SRP68: variants seen among roughly 807,000 people sequenced by gnomAD.
SRP68 encodes the protein signal recognition particle 68, also known as signal recognition particle subunit SRP68.
A neutral mutation model predicts 82.2 loss-of-function variants in SRP68; 15 were observed. That is an observed-to-expected ratio of 0.18 (90% CI 0.12 to 0.28). The LOEUF is 0.28. Among genes scored for constraint, SRP68 ranks in the 10% least tolerant of loss-of-function variants. SRP68 has a pLI of 1.00. For synonymous variants in SRP68, 261 were observed against 292.6 expected (o/e 0.89, Z 1.10); for missense variants, 595 against 780.5 (o/e 0.76, Z 2.83).
At position 76,062,636 on chromosome 17, in the gene SRP68, T is replaced by A. The variant is rs185301779; in HGVS notation, c.562-1062A>T. Among the ~76,000 whole-genome samples, 412 of 62,580 alleles carry A rather than the reference T, an allele frequency of 6.6e-3. 21 individuals are homozygous for A. The highest frequency in any genetic ancestry group is 0.037 in the East Asian group (78 of 2,128). The allele number at this position is 62,580 out of a possible 152,430, so 41.1% of individuals were successfully genotyped here. On this transcript the variant is annotated intron_variant, in intron 4 of 15. Transcript: ENST00000307877. Reference sequence around the variant, plus strand: ...TATAATATATAATATACATTATATATTATATAATATACATTATATATTATA... The same window carrying A: ...TATAATATATAATATACATTATATAATATATAATATACATTATATATTATA...
At chr17:76,065,393 T>G (rs964036255) in intron 3 of SRP68, among the ~76,000 whole-genome samples, 1 of 133,890 alleles carries the variant, frequency 7.5e-6, no homozygotes, top group African/African-American at 2.9e-5. Context: ...TAAGCTATGA[T>G]CCCACTGCTA....
At chr17:76,064,538 G>A (rs571028391) in intron 3 of SRP68, among the ~76,000 whole-genome samples, 21 of 152,176 alleles carry the variant, frequency 1.4e-4, no homozygotes, top group African/African-American at 5.1e-4. Flanking sequence ...AGTTAGAAAA[G>A]TCCTTAAGAG....
In SRP68 at chr17:76,050,397, G is replaced by A. The variant is rs200473538; in HGVS notation, c.1077+31C>T. Reference sequence around the variant, plus strand: ...ACAGGCTGACCTGGACCCGCCCAGAGCAAGAACCAGGGCTCGGCTGAGGGT... The same window carrying A: ...ACAGGCTGACCTGGACCCGCCCAGAACAAGAACCAGGGCTCGGCTGAGGGT... On this transcript the variant is annotated intron_variant, in intron 9 of 15. Transcript: ENST00000307877. The A allele has an allele frequency of 3.2e-6, 5 of 1,539,780 alleles. No homozygotes were observed. The African/African-American group carries it at 4.1e-5, about 13-fold the overall frequency.
chr17:76,059,061 C>T (rs961450836), intron 7 of SRP68, among the ~76,000 whole-genome samples: 1 of 152,042 alleles, frequency 6.6e-6, no homozygotes, highest in Non-Finnish European at 1.5e-5. Context: ...GCCTGGGAAA[C>T]ACAGTGAGAC....
rs371513259 is a variant in SRP68, at chr17:76,039,968, G to T, written c.1657-35C>A. 4.4e-6 allele frequency: 7 copies of T among 1,600,612 alleles called. No individual in the cohort carries two copies. The South Asian group carries it at 7.8e-5, about 18-fold the overall frequency. On this transcript the variant is annotated intron_variant, in intron 15 of 15. Transcript: ENST00000307877. ...AAATCAAAGAGACGTATGTAGCATC[G>T]GTCACAGAACACCCTTGGTGAACAT...
At chr17:76,068,221 G>A (rs976002064) in intron 2 of SRP68, among the ~76,000 whole-genome samples, 1 of 152,112 alleles carries the variant, frequency 6.6e-6, no homozygotes, top group Non-Finnish European at 1.5e-5. Context: ...AAACTCAGGA[G>A]GTGGGGGTTG....
intron 9 of SRP68, chr17:76,049,495 G>A (rs1020991706): frequency 6.6e-6 from 1 of 152,166 alleles, no homozygotes; most frequent in Non-Finnish European, 1.5e-5. Context: ...GCCAGTAAGT[G>A]GAACAGCTTG....
chr17:76,066,467 C>T (rs981520224), intron 3 of SRP68, among the ~76,000 whole-genome samples: 4 of 149,102 alleles, frequency 2.7e-5, no homozygotes, highest in African/African-American at 7.4e-5. Context: ...AAAAAAAACA[C>T]ACCACTCAAC....
chr17:76,040,304 G>A lies in SRP68; in HGVS notation c.1656+115C>T, dbSNP rs183889881. The A allele has an allele frequency of 2.4e-4, 239 of 990,608 alleles. 2 individuals carry two copies. Among genetic ancestry groups the A allele is most frequent in the Admixed American group, 1.9e-3 (98 of 52,732 alleles). The allele number at this position is 990,608 out of a possible 1,614,324, so 61.4% of individuals were successfully genotyped here. A position where few individuals can be genotyped will look rare whatever the true frequency, so the allele number is the denominator to read the frequency against. ...CTTTGAGGTTGGGTAAGAGAAGGGA[G>A]GGAGGTGGGGGGTTTCCTTAGAAAT... On this transcript the variant is annotated intron_variant, in intron 15 of 15. Transcript: ENST00000307877.
At chr17:76,047,601 T>C (rs759336998) in intron 10 of SRP68, among the ~76,000 whole-genome samples, 2 of 151,964 alleles carry the variant, frequency 1.3e-5, no homozygotes, top group Non-Finnish European at 2.9e-5. Flanking sequence ...CCAGGTAACA[T>C]GGCAAAATCC....
At position 76,039,602 on chromosome 17, in the gene SRP68, C is replaced by T. The variant is rs148213973; in HGVS notation, c.*104G>A. The T allele has an allele frequency of 1.8e-4, 205 of 1,138,940 alleles. 1 individual carries two copies. Among genetic ancestry groups the T allele is most frequent in the Non-Finnish European group, 2.4e-4 (190 of 793,962 alleles). 70.6% of individuals were successfully genotyped at this position (1,138,940 alleles called of 1,614,324 possible). A position where few individuals can be genotyped will look rare whatever the true frequency, so the allele number is the denominator to read the frequency against. On this transcript the variant is annotated 3_prime_UTR_variant, in exon 16 of 16. Transcript: ENST00000307877. ...GGGCCGAAGATGTTAAACTCTTGCC[C>T]CGGGCCAATGCAGACCTGGATTTAA...
At chr17:76,070,850 GCACACACACACACACA>G (rs71891783) in intron 1 of SRP68, among the ~76,000 whole-genome samples, 127 of 146,890 alleles carry the variant, frequency 8.6e-4, no homozygotes, top group Non-Finnish European at 1.5e-3. Context: ...ACATGCACAT[GCACACACACACACACA>G]CACACACACA....
At chr17:76,051,648 T>C (rs2066673549) in intron 8 of SRP68, among the ~76,000 whole-genome samples, 1 of 152,206 alleles carries the variant, frequency 6.6e-6, no homozygotes. Context: ...AAAAAAATCT[T>C]CCTTGTAACT....
At position 76,070,367 on chromosome 17, in the gene SRP68, G is replaced by A; in HGVS notation, c.251+11C>T. ...ACAATGATTTCCAAACATCTTGTAT[G>A]TGATACTAACCTGTACCTCTGAAAA... On this transcript the variant is annotated intron_variant, in intron 2 of 15. Coordinates refer to ENST00000307877, the MANE Select transcript of SRP68 (RefSeq NM_014230.4). 6.2e-7 allele frequency: 1 copy of A among 1,611,028 alleles called. No individual in the cohort carries two copies. The highest frequency in any genetic ancestry group is 8.5e-7 in the Non-Finnish European group (1 of 1,177,296).
At chr17:76,043,039 CA>C (rs1293147504) in intron 13 of SRP68, among the ~76,000 whole-genome samples, 5 of 152,104 alleles carry the variant, frequency 3.3e-5, no homozygotes, top group Middle Eastern at 3.4e-3. Flanking sequence ...TGCTTGAGGC[CA>C]GGAGTTCGAG....
intron 7 of SRP68, among the ~76,000 whole-genome samples, chr17:76,060,029 G>A (rs2066740008): frequency 6.9e-6 from 1 of 145,136 alleles, no homozygotes; most frequent in Admixed American, 7.4e-5. Context: ...GGGAGGCTGA[G>A]GCAGGAGAAT....
In SRP68 at chr17:76,072,405, A is replaced by G; in HGVS notation, c.87T>C (p.Gly29=). 1 of 1,582,000 alleles carries G rather than the reference A, an allele frequency of 6.3e-7. No homozygotes were observed. The highest frequency in any genetic ancestry group is 2.2e-5 in the East Asian group (1 of 44,622). Residue 29 remains glycine (G), a synonymous_variant, in exon 1 of 16, where the codon GGT becomes GGC. Coordinates refer to ENST00000307877, the MANE Select transcript of SRP68 (RefSeq NM_014230.4). This position sits in a 1 kb window ranked among gnomAD's most constrained non-coding sequence, Gnocchi z 4.5. ...TTTCTTCCCCTCCGGCACCACGTCC[A>G]CCGCCGCTACCGCCGCCGCCACTGC... ...GGGSGGGGSG[G]GRGAGGEENK...
chr17:76,065,472 A>T (rs1410276129), intron 3 of SRP68, among the ~76,000 whole-genome samples: 1 of 147,590 alleles, frequency 6.8e-6, no homozygotes, highest in Non-Finnish European at 1.5e-5. Flanking sequence ...GAGAGTCCAG[A>T]TTTCTCCCAA....
rs568137749 is a variant in SRP68 at position 76,072,048 on chromosome 17, G to A, written c.184+260C>T. ...AAGCCCTCCAACTGGACAACTGCGG[G>A]GCACCAGGGGAAACCTGCCTGATAT... On this transcript the variant is annotated intron_variant, in intron 1 of 15. Coordinates refer to ENST00000307877, the MANE Select transcript of SRP68 (RefSeq NM_014230.4). This position sits in a 1 kb window ranked among gnomAD's most constrained non-coding sequence, Gnocchi z 4.5. The A allele has an allele frequency of 9.5e-5, 58 of 609,002 alleles. 2 individuals carry two copies. The highest frequency in any genetic ancestry group is 6.8e-4 in the South Asian group (33 of 48,194). The allele number at this position is 609,002 out of a possible 1,614,324, so 37.7% of individuals were successfully genotyped here.
Sources: allele counts gnomAD v4.1 joint callset (sites outside exome capture counted in the v4.1 genomes callset), GRCh38; gene constraint gnomAD v4.1.1; non-coding constraint Gnocchi (gnomAD v3.1); transcripts MANE v1.5; gene names NCBI Gene and HGNC (gene_info 2026-07-23, HGNC 2026-07-21).